PRDM16: variants seen among roughly 807,000 people sequenced by gnomAD.
PRDM16 encodes the protein histone-lysine N-methyltransferase PRDM16.
In PRDM16, 23 loss-of-function variants were observed where a neutral mutation model predicts 110.6. The observed-to-expected ratio is 0.21, with a 90% CI of 0.15 to 0.29. The LOEUF (loss-of-function observed/expected upper bound fraction) is 0.29. PRDM16 is among the 10% of genes least tolerant of loss of function. PRDM16 has a pLI of 1.00. For synonymous variants in PRDM16, 799 were observed against 781.8 expected (o/e 1.02, Z -0.37); for missense variants, 1,615 against 1,794.3 (o/e 0.90, Z 1.81).
intron 1 of PRDM16, among the ~76,000 whole-genome samples, chr1:3,137,877 C>T (rs1023819467): frequency 3.3e-5 from 5 of 152,344 alleles, no homozygotes; most frequent in Middle Eastern, 3.4e-3. Flanking sequence ...CCTCCCTCGC[C>T]GATGCTTGCC....
intron 2 of PRDM16, among the ~76,000 whole-genome samples, chr1:3,232,243 A>G (rs886231606): frequency 6.6e-6 from 1 of 152,184 alleles, no homozygotes; most frequent in African/African-American, 2.4e-5. Context: ...GAGGCCAAAT[A>G]AGCGAATGGC....
intron 4 of PRDM16, among the ~76,000 whole-genome samples, chr1:3,393,508 C>G (rs991943812): frequency 6.6e-6 from 1 of 152,220 alleles, no homozygotes; most frequent in African/African-American, 2.4e-5. Context: ...ATGACAAGCC[C>G]TGCAGGAAGG....
At chr1:3,076,904 G>A (rs1480331353) in intron 1 of PRDM16, among the ~76,000 whole-genome samples, 1 of 152,154 alleles carries the variant, frequency 6.6e-6, no homozygotes, top group African/African-American at 2.4e-5. Flanking sequence ...GATGGTGGGT[G>A]TTTTTGGGGG....
At chr1:3,230,059 C>T (rs1639373161) in intron 2 of PRDM16, among the ~76,000 whole-genome samples, 1 of 152,236 alleles carries the variant, frequency 6.6e-6, no homozygotes, top group Middle Eastern at 3.2e-3. Flanking sequence ...GAGGAACGCG[C>T]ATCCCCCTGC....
At chr1:3,317,970 A>G (rs1383140886) in intron 3 of PRDM16, among the ~76,000 whole-genome samples, 1 of 152,188 alleles carries the variant, frequency 6.6e-6, no homozygotes, top group African/African-American at 2.4e-5. Context: ...TGCTAGCGCT[A>G]ATTTGAAACC....
intron 1 of PRDM16, among the ~76,000 whole-genome samples, chr1:3,177,600 T>G (rs1326357274): frequency 6.6e-6 from 1 of 152,156 alleles, no homozygotes; most frequent in East Asian, 1.9e-4. Context: ...CCAGTCAATA[T>G]CAGCAGCCGG....
intron 1 of PRDM16, among the ~76,000 whole-genome samples, chr1:3,139,856 C>A (rs1643512726): frequency 6.6e-6 from 1 of 152,230 alleles, no homozygotes; most frequent in South Asian, 2.1e-4. Flanking sequence ...CTAAGACACC[C>A]AGCCACCTCT....
chr1:3,226,734 G>C (rs1009870625), intron 2 of PRDM16, among the ~76,000 whole-genome samples: 7 of 152,142 alleles, frequency 4.6e-5, no homozygotes, highest in Admixed American at 1.3e-4. Flanking sequence ...GGAAGCAATT[G>C]GATTCACTTA....
rs1553161914 is a variant in PRDM16, at chr1:3,314,071, C to CCGGG, written c.438+69934_438+69935insCGGG. ...GCCCCCGAATGCCGTCCTTCCCCAC[C>CCGGG]GGGGGGGGGGGCGGGAACATAAAAT... On this transcript the variant is annotated intron_variant, in intron 3 of 16. Transcript: ENST00000270722. Among the ~76,000 whole-genome samples, 1,347 of 100,500 alleles carry CCGGG rather than the reference C, an allele frequency of 0.013. 103 individuals carry two copies. In the East Asian group the frequency reaches 0.15, roughly 11 times the overall value. 65.9% of individuals were successfully genotyped at this position (100,500 alleles called of 152,430 possible). A position where few individuals can be genotyped will look rare whatever the true frequency, so the allele number is the denominator to read the frequency against.
intron 1 of PRDM16, among the ~76,000 whole-genome samples, chr1:3,147,578 C>T (rs1004972260): frequency 5.3e-5 from 8 of 152,154 alleles, no homozygotes; most frequent in African/African-American, 1.7e-4. Flanking sequence ...CCTGCATGGT[C>T]TTTGTGAAGA....
intron 2 of PRDM16, among the ~76,000 whole-genome samples, chr1:3,193,717 G>GT (rs1362743986): frequency 6.6e-6 from 1 of 152,206 alleles, no homozygotes; most frequent in Non-Finnish European, 1.5e-5. Flanking sequence ...ATAGGAAAAT[G>GT]TAAGAGTGAG....
chr1:3,070,919 C>T (rs1329481764), intron 1 of PRDM16, among the ~76,000 whole-genome samples: 1 of 152,246 alleles, frequency 6.6e-6, no homozygotes, highest in Non-Finnish European at 1.5e-5. Context: ...CGGCCTCGGC[C>T]TCCCGTGACC....
In PRDM16 at chr1:3,222,984, C is replaced by T. The variant is rs572989545; in HGVS notation, c.388-21103C>T. Among the ~76,000 whole-genome samples the T allele has an allele frequency of 2.0e-5, 3 of 152,114 alleles. No homozygotes were observed. The East Asian group carries it at 5.8e-4, about 29-fold the overall frequency. ...TGGATCGGTCAAGACATCCCCAGCTCCAGAGACTCCCAGACATGAGCGTGC... is the reference window on the plus strand; with the variant it reads ...TGGATCGGTCAAGACATCCCCAGCTTCAGAGACTCCCAGACATGAGCGTGC... On this transcript the variant is annotated intron_variant, in intron 2 of 16. Transcript: ENST00000270722.
rs376211296 is a variant in PRDM16, at chr1:3,161,864, A to C, written c.38-24261A>C. On this transcript the variant is annotated intron_variant, in intron 1 of 16. Coordinates refer to ENST00000270722, the MANE Select transcript of PRDM16 (RefSeq NM_022114.4). ...GGATTTGGACCACGTTCGGCAGAGC[A>C]GGTCTCCCAGGCTTCCCTAAAGATG... 4.6e-5 allele frequency among the ~76,000 whole-genome samples: 7 copies of C among 152,346 alleles called. No homozygotes were observed. The East Asian group carries it at 5.8e-4, about 13-fold the overall frequency.
At chr1:3,163,769 C>T (rs1643919631) in intron 1 of PRDM16, among the ~76,000 whole-genome samples, 2 of 152,198 alleles carry the variant, frequency 1.3e-5, no homozygotes, top group Admixed American at 1.3e-4. Flanking sequence ...TCATATTCTA[C>T]CCCGTGCGTG....
At chr1:3,381,985 C>T (rs1437478557) in intron 3 of PRDM16, among the ~76,000 whole-genome samples, 4 of 152,296 alleles carry the variant, frequency 2.6e-5, no homozygotes, top group South Asian at 2.1e-4. Flanking sequence ...GGGGGGGCCT[C>T]GTGGGTCTTG....
chr1:3,240,163 A>G (rs111957623), intron 2 of PRDM16, among the ~76,000 whole-genome samples: 6,647 of 151,762 alleles, frequency 0.044, 312 homozygotes, highest in African/African-American at 0.12. Context: ...GCTGGGCATG[A>G]TGGCTCACAT....
rs1395616358 is a variant in PRDM16, at chr1:3,358,378, G to A, written c.439-26774G>A. Among the ~76,000 whole-genome samples, 1 of 152,202 alleles carries A rather than the reference G, an allele frequency of 6.6e-6. No individual in the cohort carries two copies. The highest frequency in any genetic ancestry group is 1.5e-5 in the Non-Finnish European group (1 of 68,048). On this transcript the variant is annotated intron_variant, in intron 3 of 16. Coordinates refer to ENST00000270722, the MANE Select transcript of PRDM16 (RefSeq NM_022114.4). The surrounding 1 kb of genome is among the most constrained non-coding windows in gnomAD (Gnocchi z 4.0). ...GGTGCTGGAGAAGACCTGGGCAGTG[G>A]GTGGCAGCCATGGGGACTGATGGCA...
chr1:3,314,071 C>CCAGG lies in PRDM16; in HGVS notation c.438+69934_438+69935insCAGG, dbSNP rs1553161914. Among the ~76,000 whole-genome samples, 11 of 100,662 alleles carry CCAGG rather than the reference C, an allele frequency of 1.1e-4. 2 individuals carry two copies. In the East Asian group the frequency reaches 4.2e-3, roughly 38 times the overall value. 66.0% of individuals were successfully genotyped at this position (100,662 alleles called of 152,430 possible). A position where few individuals can be genotyped will look rare whatever the true frequency, so the allele number is the denominator to read the frequency against. ...GCCCCCGAATGCCGTCCTTCCCCAC[C>CCAGG]GGGGGGGGGGGCGGGAACATAAAAT... On this transcript the variant is annotated intron_variant, in intron 3 of 16. Transcript: ENST00000270722.
Sources: gnomAD v4.1 joint callset for allele counts (sites outside exome capture counted in the v4.1 genomes callset) on GRCh38, gnomAD v4.1.1 for gene constraint, Gnocchi (gnomAD v3.1) non-coding constraint, MANE v1.5 for transcripts, NCBI Gene and HGNC (gene_info 2026-07-23, HGNC 2026-07-21) for gene names.